ABCC11: variants seen among roughly 807,000 people sequenced by gnomAD.
ABCC11 encodes ATP-binding cassette sub-family C member 11.
ABCC11 carries 135 observed loss-of-function variants against 149.3 expected under a neutral mutation model. The ratio of observed to expected loss-of-function variants is 0.90; its 90% confidence interval spans 0.79 to 1.04. ABCC11 has a LOEUF of 1.04. Ranked by LOEUF, ABCC11 falls within the 50% of genes least tolerant of loss-of-function variation. ABCC11 has a pLI of 0.00. For synonymous variants in ABCC11, 665 were observed against 671.4 expected (o/e 0.99, Z 0.15); for missense variants, 1,680 against 1,722.1 (o/e 0.98, Z 0.43).
At chr16:48,171,803 A>G (rs1965741165) in intron 26 of ABCC11, among the ~76,000 whole-genome samples, 1 of 152,070 alleles carries the variant, frequency 6.6e-6, no homozygotes, top group Admixed American at 6.5e-5. Context: ...ACTCCACTAA[A>G]AATACAAAAA....
intron 26 of ABCC11, among the ~76,000 whole-genome samples, chr16:48,172,088 C>T (rs772491995): frequency 3.9e-5 from 6 of 152,186 alleles, no homozygotes; most frequent in Non-Finnish European, 7.3e-5. Context: ...TACTTTCCAT[C>T]GATATGGATT....
chr16:48,203,939 G>C (rs1364900414), intron 13 of ABCC11, among the ~76,000 whole-genome samples: 1 of 152,198 alleles, frequency 6.6e-6, no homozygotes. Flanking sequence ...ATATGGATGT[G>C]TACTGCATGG....
At chr16:48,217,905 CAT>C (rs149483464) in intron 6 of ABCC11, among the ~76,000 whole-genome samples, 4,259 of 152,186 alleles carry the variant, frequency 0.028, 75 homozygotes, top group Non-Finnish European at 0.038. Flanking sequence ...AACATTCACA[CAT>C]GTTAGATGAA....
chr16:48,181,222 C>T (rs1049443510), intron 23 of ABCC11, among the ~76,000 whole-genome samples: 10 of 151,992 alleles, frequency 6.6e-5, no homozygotes, highest in African/African-American at 1.9e-4. Context: ...CTGAGAGTGC[C>T]GGAGGTTTGG....
chr16:48,215,432 C>T, intron 7 of ABCC11, 88 bp from the exon 8 acceptor site: 1 of 1,434,238 alleles, frequency 7.0e-7, no homozygotes, highest in South Asian at 1.3e-5. Context: ...ATAAGTAGGG[C>T]AACTGGGTGT....
chr16:48,179,772 G>C (rs532896236), intron 23 of ABCC11, among the ~76,000 whole-genome samples: 1 of 152,340 alleles, frequency 6.6e-6, no homozygotes, highest in East Asian at 1.9e-4. Context: ...GTCAGTCCTA[G>C]AGTGACATTT....
chr16:48,207,787 C>A (rs2150847055), intron 12 of ABCC11, among the ~76,000 whole-genome samples: 1 of 152,176 alleles, frequency 6.6e-6, no homozygotes, highest in East Asian at 1.9e-4. Flanking sequence ...CAGCAGACCT[C>A]AAACTCGTCC....
At chr16:48,230,886 C>A (rs1970380578) in intron 2 of ABCC11, among the ~76,000 whole-genome samples, 1 of 152,132 alleles carries the variant, frequency 6.6e-6, no homozygotes, top group African/African-American at 2.4e-5. Flanking sequence ...GACCAAGTCA[C>A]TCTTTGAGGG....
intron 26 of ABCC11, among the ~76,000 whole-genome samples, chr16:48,174,784 A>G (rs1487928878): frequency 6.6e-6 from 1 of 152,214 alleles, no homozygotes; most frequent in Non-Finnish European, 1.5e-5. Flanking sequence ...GACCAATCCC[A>G]TCAGGGTTTT....
At chr16:48,239,732 T>G (rs1371884500) in intron 1 of ABCC11, among the ~76,000 whole-genome samples, 1 of 151,492 alleles carries the variant, frequency 6.6e-6, no homozygotes, top group East Asian at 1.9e-4. Context: ...ACCAGCAGAG[T>G]GAACAGACAA....
chr16:48,173,343 G>T (rs868280306), intron 26 of ABCC11, among the ~76,000 whole-genome samples: 10 of 152,142 alleles, frequency 6.6e-5, no homozygotes, highest in South Asian at 6.2e-4. Context: ...CCATTTCTTT[G>T]TGTGTCTTTA....
At chr16:48,186,106 C>T (rs1452927358) in intron 22 of ABCC11, among the ~76,000 whole-genome samples, 4 of 152,172 alleles carry the variant, frequency 2.6e-5, no homozygotes, top group Non-Finnish European at 2.9e-5. Context: ...TCCCCTCAGT[C>T]CTAGAGTCTG....
intron 2 of ABCC11, 42 bp downstream of exon 2, chr16:48,231,781 A>C (rs748804262): frequency 1.9e-6 from 3 of 1,600,368 alleles, no homozygotes; most frequent in Non-Finnish European, 2.6e-6. Context: ...ATATTCTGCC[A>C]ACTCAGTTTC....
At chr16:48,227,779 C>G in intron 4 of ABCC11, 27 bp downstream of exon 4, 1 of 1,613,668 alleles carries the variant, frequency 6.2e-7, no homozygotes, top group Non-Finnish European at 8.5e-7. Flanking sequence ...TTTAACCTAT[C>G]CACTGGTTTG....
chr16:48,186,828 G>T, intron 22 of ABCC11, 125 bp downstream of exon 22: 2 of 1,203,454 alleles, frequency 1.7e-6, no homozygotes, highest in African/African-American at 1.5e-5. Context: ...AGAGAAATAC[G>T]TCCATCGAAC....
At chr16:48,230,413 C>T (rs373111110) in intron 3 of ABCC11, 24 bp downstream of exon 3, 12 of 1,567,910 alleles carry the variant, frequency 7.7e-6, no homozygotes, top group Non-Finnish European at 1.0e-5. Context: ...ACAGCTCTCT[C>T]CCACCACCCC....
chr16:48,242,657 C>T lies in ABCC11; in HGVS notation c.-19+4657G>A, dbSNP rs535818009. On this transcript the variant is annotated intron_variant, in intron 1 of 29. Transcript: ENST00000356608. ...ACTTGGAACCAACCCAAATGTCCAT[C>T]AATGATAGACTGGATTAAGAAAATG... Among the ~76,000 whole-genome samples the T allele has an allele frequency of 9.5e-3, 1,443 of 152,258 alleles. 11 individuals carry two copies. The highest frequency in any genetic ancestry group is 0.015 in the Non-Finnish European group (1,051 of 68,030).
At chr16:48,212,940 G>T (rs961364012) in intron 10 of ABCC11, among the ~76,000 whole-genome samples, 2 of 152,144 alleles carry the variant, frequency 1.3e-5, no homozygotes, top group African/African-American at 4.8e-5. Context: ...GTGCAATAGG[G>T]TATGGTAGAG....
chr16:48,187,468 A>G (rs1286863261), intron 20 of ABCC11, 41 bp from the exon 21 acceptor site: 5 of 1,522,884 alleles, frequency 3.3e-6, no homozygotes, highest in Non-Finnish European at 4.5e-6. Flanking sequence ...GAGAAGCTGC[A>G]GGCCCTGCTC....
Sources: gnomAD v4.1 joint callset for allele counts (sites outside exome capture counted in the v4.1 genomes callset) on GRCh38, gnomAD v4.1.1 for gene constraint, MANE v1.5 for transcripts, NCBI Gene and HGNC (gene_info 2026-07-23, HGNC 2026-07-21) for gene names.